Variants in MAGI1 observed in about 807,000 individuals in gnomAD.
MAGI1 encodes the protein membrane-associated guanylate kinase, WW and PDZ domain-containing protein 1.
In MAGI1, 58 loss-of-function variants were observed where a neutral mutation model predicts 139.9. The observed-to-expected ratio is 0.41, with a 90% CI of 0.34 to 0.52. MAGI1 has a LOEUF of 0.52. Among genes scored for constraint, MAGI1 ranks in the 20% least tolerant of loss-of-function variants. MAGI1 has a pLI of 0.12. For synonymous variants in MAGI1, 812 were observed against 737.9 expected (o/e 1.10, Z -1.63); for missense variants, 1,874 against 1,901.6 (o/e 0.99, Z 0.27).
chr3:65,406,874 C>A (rs1399569286), intron 12 of MAGI1, among the ~76,000 whole-genome samples: 2 of 152,006 alleles, frequency 1.3e-5, no homozygotes, highest in Admixed American at 6.6e-5. Flanking sequence ...TCAGGGACCA[C>A]TGAAAGCCAC....
intron 1 of MAGI1, among the ~76,000 whole-genome samples, chr3:65,917,278 A>T (rs2061950523): frequency 6.6e-6 from 1 of 152,190 alleles, no homozygotes; most frequent in Non-Finnish European, 1.5e-5. Flanking sequence ...GCAAAGCCAA[A>T]ATCCTAAACA....
intron 1 of MAGI1, among the ~76,000 whole-genome samples, chr3:65,893,129 G>A (rs900059512): frequency 6.6e-6 from 1 of 152,168 alleles, no homozygotes; most frequent in African/African-American, 2.4e-5. Context: ...CTACAGTGCA[G>A]TTTCTGGCAC....
intron 1 of MAGI1, chr3:65,875,002 G>A (rs1051217610): frequency 2.6e-5 from 4 of 152,578 alleles, no homozygotes; most frequent in African/African-American, 9.7e-5. Flanking sequence ...AGGATCACTT[G>A]CAGCCAGGAG....
chr3:65,599,760 CAA>C (rs2082393259), intron 2 of MAGI1, among the ~76,000 whole-genome samples: 1 of 152,120 alleles, frequency 6.6e-6, no homozygotes, highest in African/African-American at 2.4e-5. Context: ...AGGGGACCTG[CAA>C]AATGGAACAG....
At chr3:65,375,698 G>C (rs1174093566) in intron 18 of MAGI1, 47 bp downstream of exon 18, 3 of 1,309,670 alleles carry the variant, frequency 2.3e-6, no homozygotes, top group South Asian at 2.5e-5. Context: ...CAGAGACAGA[G>C]AGAGAGAAAA....
chr3:65,627,193 T>C (rs1206038585), intron 1 of MAGI1, among the ~76,000 whole-genome samples: 4 of 152,276 alleles, frequency 2.6e-5, no homozygotes, highest in Admixed American at 1.3e-4. Flanking sequence ...GAAAGTAACA[T>C]ACTGTGCAGA....
At position 65,356,955 on chromosome 3, in the gene MAGI1, T is replaced by C. The variant is rs1940234807; in HGVS notation, c.3812A>G (p.Glu1271Gly). Residue 1271 changes from glutamate (E) to glycine (G), a missense_variant, in exon 23 of 23, where the codon GAG (glutamate) becomes GGG (glycine). Physicochemically the swap from Glu to Gly is moderately conservative, Grantham distance 98. This residue lies in a region of MAGI1 where 653 missense variants were observed against 644.5 expected (regional missense o/e 1.01). Coordinates refer to ENST00000402939, the MANE Select transcript of MAGI1 (RefSeq NM_001033057.2). ...AHARDPKGSR[E>G]YSRQPNEHHT... ...GTGTTCATTGGGTTGTCTGCTATAC[T>C]CTCTGCTGCCTTTCGGATCCCTTGC... 1 of 1,614,174 alleles carries C rather than the reference T, an allele frequency of 6.2e-7. No homozygotes were observed. The highest frequency in any genetic ancestry group is 8.5e-7 in the Non-Finnish European group (1 of 1,180,022).
At chr3:65,469,428 T>G (rs1369505137) in intron 5 of MAGI1, among the ~76,000 whole-genome samples, 3 of 152,144 alleles carry the variant, frequency 2.0e-5, no homozygotes, top group African/African-American at 7.2e-5. Flanking sequence ...AACTGACTAC[T>G]GTTGGTTAGG....
chr3:65,880,781 A>G (rs79934224), intron 1 of MAGI1, among the ~76,000 whole-genome samples: 3,978 of 152,266 alleles, frequency 0.026, 143 homozygotes, highest in East Asian at 0.076. Flanking sequence ...AAAATCCAAA[A>G]AACTAGTTGT....
intron 22 of MAGI1, chr3:65,359,289 G>T (rs1459711972): frequency 6.8e-7 from 1 of 1,475,430 alleles, no homozygotes; most frequent in African/African-American, 1.4e-5. Flanking sequence ...AGGGCAAAGA[G>T]AGTTTATTTG....
intron 1 of MAGI1, among the ~76,000 whole-genome samples, chr3:65,676,046 T>C (rs371078855): frequency 6.6e-6 from 1 of 152,196 alleles, no homozygotes; most frequent in Admixed American, 6.5e-5. Flanking sequence ...AAAGAAAGCA[T>C]GTGATAAATT....
At chr3:65,803,487 A>G (rs2040646586) in intron 1 of MAGI1, among the ~76,000 whole-genome samples, 1 of 152,180 alleles carries the variant, frequency 6.6e-6, no homozygotes, top group African/African-American at 2.4e-5. Flanking sequence ...TCTTTAAATT[A>G]TTCCCTGTGA....
At chr3:65,915,737 G>T (rs1282621859) in intron 1 of MAGI1, among the ~76,000 whole-genome samples, 2 of 151,982 alleles carry the variant, frequency 1.3e-5, no homozygotes, top group Admixed American at 1.3e-4. Context: ...CCTTCTCTTT[G>T]CTTGGTAAAA....
chr3:65,691,622 A>G (rs2088660113), intron 1 of MAGI1, among the ~76,000 whole-genome samples: 1 of 152,178 alleles, frequency 6.6e-6, no homozygotes, highest in South Asian at 2.1e-4. Flanking sequence ...CTCCACCTTA[A>G]ACAAATTCCT....
intron 2 of MAGI1, among the ~76,000 whole-genome samples, chr3:65,573,546 TAAAAAAA>T: frequency 8.3e-6 from 1 of 120,780 alleles, no homozygotes; most frequent in South Asian, 2.6e-4. Context: ...GATTTAAAAA[TAAAAAAA>T]AAACTCCTGG....
At chr3:65,964,364 C>G (rs1453442719) in intron 1 of MAGI1, among the ~76,000 whole-genome samples, 1 of 152,144 alleles carries the variant, frequency 6.6e-6, no homozygotes, top group Admixed American at 6.5e-5. Flanking sequence ...GAAAGGTCAT[C>G]TGAAATCACC....
At position 65,465,409 on chromosome 3, in the gene MAGI1, T is replaced by C. The variant is rs540031097; in HGVS notation, c.959+4874A>G. On this transcript the variant is annotated intron_variant, in intron 5 of 22. Transcript: ENST00000402939. ...GTTTAGAGAACATCCATTGGCCATTTATTGAGAGTAGGCCTGCTGGCAGCA... is the reference window on the plus strand; with the variant it reads ...GTTTAGAGAACATCCATTGGCCATTCATTGAGAGTAGGCCTGCTGGCAGCA... Among the ~76,000 whole-genome samples the C allele has an allele frequency of 2.0e-5, 3 of 152,010 alleles. No homozygotes were observed. The East Asian group carries it at 5.8e-4, about 29-fold the overall frequency.
chr3:65,511,836 A>C (rs2077614700), intron 2 of MAGI1, among the ~76,000 whole-genome samples: 1 of 121,834 alleles, frequency 8.2e-6, no homozygotes, highest in Admixed American at 9.0e-5. Flanking sequence ...CTCCACCCCA[A>C]ATCAACAGAA....
intron 1 of MAGI1, among the ~76,000 whole-genome samples, chr3:65,747,313 A>G (rs2035789193): frequency 1.3e-5 from 2 of 152,198 alleles, no homozygotes; most frequent in South Asian, 4.1e-4. Flanking sequence ...CTCTCATCTT[A>G]CAGTTATGTT....
Sources: allele counts gnomAD v4.1 joint callset (sites outside exome capture counted in the v4.1 genomes callset), GRCh38; gene constraint gnomAD v4.1.1; regional missense constraint gnomAD v4.1.1; transcripts MANE v1.5; gene names NCBI Gene and HGNC (gene_info 2026-07-23, HGNC 2026-07-21).